The following MCHR2 variants were observed in gnomAD, a reference collection of about 807,000 sequenced individuals.
MCHR2 encodes melanin concentrating hormone receptor 2, also known as melanin-concentrating hormone receptor 2.
In MCHR2, 15 loss-of-function variants were observed where a neutral mutation model predicts 24.8. The ratio of observed to expected loss-of-function variants is 0.60; its 90% CI spans 0.40 to 0.93. The LOEUF is 0.93. Ranked by LOEUF, MCHR2 falls within the 40% of genes least tolerant of loss-of-function variation. The pLI, the probability that MCHR2 is intolerant of heterozygous loss-of-function variation, is 0.00. For missense variants in MCHR2, 386 were observed against 408.7 expected, an observed-to-expected ratio of 0.94 and a Z score of 0.48; for synonymous variants, 151 against 147.6, an observed-to-expected ratio of 1.02 and a Z score of -0.17.
At chr6:99,964,680 T>A (rs1191029972) in intron 1 of MCHR2, among the ~76,000 whole-genome samples, 3 of 152,070 alleles carry the variant, frequency 2.0e-5, no homozygotes, top group African/African-American at 7.2e-5. Context: ...ATGGGGATTA[T>A]GGAGATTACA....
intron 2 of MCHR2, among the ~76,000 whole-genome samples, chr6:99,951,095 C>T (rs891534513): frequency 2.6e-5 from 4 of 152,102 alleles, no homozygotes; most frequent in Admixed American, 2.0e-4. Context: ...GACTGAAAAA[C>T]CTCTTTCTCC....
At chr6:99,923,556 G>A (rs1412514468) in intron 5 of MCHR2, among the ~76,000 whole-genome samples, 4 of 151,862 alleles carry the variant, frequency 2.6e-5, no homozygotes, top group Non-Finnish European at 4.4e-5. Context: ...TTATGTTGAG[G>A]TATGTTCCTC....
At chr6:99,971,764 G>C (rs1352924104) in intron 1 of MCHR2, among the ~76,000 whole-genome samples, 1 of 152,144 alleles carries the variant, frequency 6.6e-6, no homozygotes. Context: ...AGAGTTTTTA[G>C]CATGAAGTGT....
intron 1 of MCHR2, among the ~76,000 whole-genome samples, chr6:99,957,959 G>A (rs1582392637): frequency 2.0e-5 from 3 of 152,032 alleles, no homozygotes; most frequent in African/African-American, 7.2e-5. Context: ...AAAATTCCAA[G>A]TTTTATTCTG....
intron 5 of MCHR2, among the ~76,000 whole-genome samples, chr6:99,927,670 T>A (rs1039677420): frequency 4.6e-5 from 7 of 151,914 alleles, no homozygotes; most frequent in African/African-American, 1.7e-4. Flanking sequence ...TGCTTGTGAT[T>A]TTTGTACGTT....
chr6:99,981,997 T>C (rs545683674), intron 1 of MCHR2, among the ~76,000 whole-genome samples: 9 of 152,240 alleles, frequency 5.9e-5, no homozygotes, highest in African/African-American at 1.9e-4. Flanking sequence ...TCTCCAACCC[T>C]TTATCCCTCC....
intron 2 of MCHR2, among the ~76,000 whole-genome samples, chr6:99,951,761 C>A (rs1021567488): frequency 2.0e-5 from 3 of 152,056 alleles, no homozygotes; most frequent in African/African-American, 7.2e-5. Context: ...AAAAAAGAGA[C>A]CTGTGTTCTA....
At chr6:99,964,419 A>G (rs1458660691) in intron 1 of MCHR2, among the ~76,000 whole-genome samples, 1 of 152,132 alleles carries the variant, frequency 6.6e-6, no homozygotes, top group Non-Finnish European at 1.5e-5. Flanking sequence ...TATAAAGGAA[A>G]GAGGTTTAGT....
At chr6:99,940,579 G>C (rs893979194) in intron 4 of MCHR2, among the ~76,000 whole-genome samples, 1 of 152,160 alleles carries the variant, frequency 6.6e-6, no homozygotes, top group Non-Finnish European at 1.5e-5. Flanking sequence ...ATTAGGGTCA[G>C]TTACTGGTTC....
intron 5 of MCHR2, among the ~76,000 whole-genome samples, chr6:99,931,648 A>G (rs931443410): frequency 6.6e-6 from 1 of 152,142 alleles, no homozygotes; most frequent in Non-Finnish European, 1.5e-5. Flanking sequence ...AGCCATGTGC[A>G]GGATATAATC....
intron 1 of MCHR2, among the ~76,000 whole-genome samples, chr6:99,991,531 G>A (rs1214747057): frequency 6.6e-6 from 1 of 152,144 alleles, no homozygotes; most frequent in Non-Finnish European, 1.5e-5. Context: ...TGAGGCCGGG[G>A]CGCGGTGGCT....
chr6:99,981,124 T>G (rs1775662198), intron 1 of MCHR2, among the ~76,000 whole-genome samples: 1 of 152,232 alleles, frequency 6.6e-6, no homozygotes, highest in Non-Finnish European at 1.5e-5. Flanking sequence ...TTTTTCTAGC[T>G]GTCAATCCTT....
intron 1 of MCHR2, among the ~76,000 whole-genome samples, chr6:99,977,789 A>G (rs1444255582): frequency 1.3e-5 from 2 of 152,138 alleles, no homozygotes; most frequent in Non-Finnish European, 2.9e-5. Context: ...ATGTCATGCT[A>G]TTTCCTCAGC....
At chr6:99,951,946 GAGGAT>G (rs1317783635) in intron 2 of MCHR2, among the ~76,000 whole-genome samples, 1 of 152,120 alleles carries the variant, frequency 6.6e-6, no homozygotes, top group African/African-American at 2.4e-5. Context: ...TCTATTTTTG[GAGGAT>G]AGGGCACCTT....
intron 5 of MCHR2, among the ~76,000 whole-genome samples, chr6:99,925,290 A>G (rs1774327249): frequency 1.3e-5 from 2 of 151,308 alleles, no homozygotes; most frequent in South Asian, 4.2e-4. Flanking sequence ...GTGTGTCTTT[A>G]TAGTTGAAGT....
At position 99,919,714 on chromosome 6, in the gene MCHR2, T is replaced by G. The variant is rs58247666; in HGVS notation, c.*1226A>C. Among the ~76,000 whole-genome samples, 1 of 144,026 alleles carries G rather than the reference T, an allele frequency of 6.9e-6. No individual in the cohort carries two copies. The allele number at this position is 144,026 out of a possible 152,430, so 94.5% of individuals were successfully genotyped here. On this transcript the variant is annotated 3_prime_UTR_variant, in exon 6 of 6. Coordinates refer to ENST00000281806, the MANE Select transcript of MCHR2 (RefSeq NM_001040179.2). ...TGTAACCAAAAGGGAATGTTTCTTG[T>G]TTTTTTTTTTGTTTGTTTTGTTTTT...
intron 2 of MCHR2, 39 bp downstream of exon 2, chr6:99,955,927 G>C (rs778195273): frequency 6.9e-7 from 1 of 1,448,646 alleles, no homozygotes; most frequent in South Asian, 1.6e-5. Context: ...GTTTCCTAAA[G>C]TATGGAAGGA....
At chr6:99,983,039 C>A (rs1252110966) in intron 1 of MCHR2, among the ~76,000 whole-genome samples, 1 of 152,166 alleles carries the variant, frequency 6.6e-6, no homozygotes, top group Non-Finnish European at 1.5e-5. Flanking sequence ...CGGCTCACTG[C>A]AGCCTCAACT....
rs866431035 is a variant in MCHR2, at chr6:99,947,865, C to T, written c.289G>A (p.Gly97Arg). The T allele has an allele frequency of 1.2e-6, 2 of 1,613,768 alleles. No individual in the cohort carries two copies. Among genetic ancestry groups the T allele is most frequent in the South Asian group, 2.2e-5 (2 of 91,072 alleles). Residue 97 changes from glycine (G) to arginine (R), a missense_variant, in exon 3 of 6, where the codon GGA (glycine) becomes AGA (arginine). Transcript: ENST00000281806. ...AGAGGCCCCCCAAACACCCACTCTC[C>T]CCCTCGGGCCCATTGGTGAATAAGA... ...PFLIHQWARG[G>R]EWVFGGPLCT...
Sources: allele counts gnomAD v4.1 joint callset (sites outside exome capture counted in the v4.1 genomes callset), GRCh38; gene constraint gnomAD v4.1.1; transcripts MANE v1.5; gene names NCBI Gene and HGNC (gene_info 2026-07-23, HGNC 2026-07-21).